Variants in RBFOX1 observed in about 807,000 individuals in gnomAD.
RBFOX1 encodes the protein RNA binding protein fox-1 homolog 1.
A neutral mutation model predicts 57.7 loss-of-function variants in RBFOX1; 8 were observed. The ratio of observed to expected loss-of-function variants is 0.14; its 90% CI spans 0.08 to 0.25. The LOEUF is 0.25. RBFOX1 is among the 10% of genes least tolerant of loss of function. The pLI, the probability that RBFOX1 is intolerant of heterozygous loss-of-function variation, is 1.00. For missense variants in RBFOX1, 611 were observed against 548.5 expected (o/e 1.11, Z -1.14); for synonymous variants, 326 against 222.4 (o/e 1.47, Z -4.15).
chr16:7,141,611 C>T (rs115992506), intron 4 of RBFOX1, among the ~76,000 whole-genome samples: 53 of 152,256 alleles, frequency 3.5e-4, no homozygotes, highest in African/African-American at 1.2e-3. Flanking sequence ...ATTGCATGTT[C>T]ATTAACATAT....
chr16:7,688,258 T>TGA (rs1468088533), intron 14 of RBFOX1, among the ~76,000 whole-genome samples: 6 of 128,326 alleles, frequency 4.7e-5, no homozygotes, highest in African/African-American at 1.8e-4. Context: ...TGTGTGTGTG[T>TGA]GTGAGAGAGA....
chr16:7,294,604 C>T lies in RBFOX1; in HGVS notation c.28-223543C>T, dbSNP rs117693708. On this transcript the variant is annotated intron_variant, in intron 4 of 15. Coordinates refer to ENST00000550418, the MANE Select transcript of RBFOX1 (RefSeq NM_018723.4). Reference sequence around the variant, plus strand: ...AGCTGTGGATAGGGTGGGACTTACTCCTGCTCTAATTGAGTAAGGACAAGA... The same window carrying T: ...AGCTGTGGATAGGGTGGGACTTACTTCTGCTCTAATTGAGTAAGGACAAGA... Among the ~76,000 whole-genome samples, 1,133 of 151,726 alleles carry T rather than the reference C, an allele frequency of 7.5e-3. 5 individuals carry two copies. Among genetic ancestry groups the T allele is most frequent in the Non-Finnish European group, 0.013 (896 of 67,992 alleles).
intron 1 of RBFOX1, among the ~76,000 whole-genome samples, chr16:5,302,450 C>G (rs1378327976): frequency 1.3e-5 from 2 of 152,142 alleles, no homozygotes; most frequent in African/African-American, 2.4e-5. Context: ...TCAAGTAGGT[C>G]AAGCTGGTTG....
intron 3 of RBFOX1, among the ~76,000 whole-genome samples, chr16:5,769,758 C>T (rs1050831720): frequency 1.3e-5 from 2 of 152,116 alleles, no homozygotes; most frequent in African/African-American, 4.8e-5. Flanking sequence ...GGAACACATC[C>T]TTCCCTTGCA....
At chr16:5,470,749 G>A (rs531882237) in intron 2 of RBFOX1, among the ~76,000 whole-genome samples, 17 of 152,158 alleles carry the variant, frequency 1.1e-4, no homozygotes, top group African/African-American at 3.9e-4. Context: ...TTTGAACCCT[G>A]GTCTGTCCGC....
intron 1 of RBFOX1, among the ~76,000 whole-genome samples, chr16:5,343,613 G>A (rs1417244189): frequency 3.3e-5 from 5 of 152,136 alleles, no homozygotes; most frequent in Non-Finnish European, 5.9e-5. Context: ...GAGCCACTGC[G>A]CCCGGCCACT....
At chr16:5,577,751 T>G (rs948146033) in intron 2 of RBFOX1, among the ~76,000 whole-genome samples, 1 of 152,054 alleles carries the variant, frequency 6.6e-6, no homozygotes, top group Non-Finnish European at 1.5e-5. Context: ...TTAATATTCC[T>G]GAAAAAACTA....
At chr16:6,553,885 C>T (rs767298272) in intron 2 of RBFOX1, among the ~76,000 whole-genome samples, 5 of 152,054 alleles carry the variant, frequency 3.3e-5, no homozygotes, top group East Asian at 1.9e-4. Flanking sequence ...TCCTGGGAGT[C>T]GGTTTTATAG....
chr16:6,656,583 A>G (rs2098654019), intron 3 of RBFOX1, among the ~76,000 whole-genome samples: 1 of 141,576 alleles, frequency 7.1e-6, no homozygotes, highest in Non-Finnish European at 1.5e-5. Context: ...AGCTCTTCTC[A>G]AGAAAGGGGA....
chr16:7,504,538 C>T (rs1217603706), intron 4 of RBFOX1, among the ~76,000 whole-genome samples: 1 of 148,460 alleles, frequency 6.7e-6, no homozygotes. Context: ...TCTCAGCCCA[C>T]AAAAAAAGGT....
chr16:6,031,270 G>A (rs2081931889), intron 1 of RBFOX1, among the ~76,000 whole-genome samples: 1 of 152,128 alleles, frequency 6.6e-6, no homozygotes, highest in South Asian at 2.1e-4. Flanking sequence ...GGGGAGGAAG[G>A]AGAGGGCTCT....
intron 4 of RBFOX1, among the ~76,000 whole-genome samples, chr16:7,137,233 G>C (rs569777807): frequency 7.3e-4 from 111 of 152,318 alleles, no homozygotes; most frequent in Non-Finnish European, 1.2e-3. Context: ...AGTCATCAGA[G>C]GCTTTCCAGC....
chr16:6,795,070 G>T (rs2083701507), intron 3 of RBFOX1, among the ~76,000 whole-genome samples: 1 of 152,090 alleles, frequency 6.6e-6, no homozygotes, highest in Admixed American at 6.5e-5. Flanking sequence ...TGTGATATAT[G>T]TCACTTTAAA....
intron 2 of RBFOX1, among the ~76,000 whole-genome samples, chr16:6,337,530 A>G (rs78202719): frequency 0.011 from 1,737 of 152,334 alleles, 26 homozygotes; most frequent in African/African-American, 0.039. Flanking sequence ...GAAATGATTG[A>G]TGTGGAAGTA....
At chr16:5,254,529 C>T (rs2062534313) in intron 1 of RBFOX1, among the ~76,000 whole-genome samples, 1 of 151,926 alleles carries the variant, frequency 6.6e-6, no homozygotes, top group South Asian at 2.1e-4. Context: ...GTCTGCCATG[C>T]CCCCCGATCT....
chr16:7,429,959 T>C (rs930193028), intron 4 of RBFOX1, among the ~76,000 whole-genome samples: 4 of 152,336 alleles, frequency 2.6e-5, no homozygotes, highest in Non-Finnish European at 5.9e-5. Flanking sequence ...TGCATTGACC[T>C]ACTTACTTTC....
At chr16:6,889,797 G>A (rs1388806) in intron 3 of RBFOX1, among the ~76,000 whole-genome samples, 3 of 152,196 alleles carry the variant, frequency 2.0e-5, no homozygotes, top group African/African-American at 7.2e-5. Flanking sequence ...TGAGATTTTA[G>A]GAGTTCTATA....
chr16:5,828,036 T>G (rs1433488491), intron 3 of RBFOX1, among the ~76,000 whole-genome samples: 1 of 149,404 alleles, frequency 6.7e-6, no homozygotes, highest in Non-Finnish European at 1.5e-5. Context: ...TGTCCATCCA[T>G]GTATCCATCC....
chr16:5,994,804 T>C (rs1016641935), intron 4 of RBFOX1, among the ~76,000 whole-genome samples: 4 of 152,226 alleles, frequency 2.6e-5, no homozygotes, highest in Admixed American at 6.5e-5. Flanking sequence ...GTCTCTTTTC[T>C]TCTCCACTAT....
Sources: gnomAD v4.1 joint callset for allele counts (sites outside exome capture counted in the v4.1 genomes callset) on GRCh38, gnomAD v4.1.1 for gene constraint, MANE v1.5 for transcripts, NCBI Gene and HGNC (gene_info 2026-07-23, HGNC 2026-07-21) for gene names.